ADK: variants seen among roughly 807,000 people sequenced by gnomAD.
The protein encoded by ADK is adenosine kinase, also known as N6,N6-dimethyladenosine kinase.
In ADK, 24 loss-of-function variants were observed where a neutral mutation model predicts 44.7. The observed-to-expected ratio is 0.54, with a 90% CI of 0.39 to 0.76. The LOEUF (loss-of-function observed/expected upper bound fraction) is 0.76, where lower values mean the gene tolerates loss of function less well. Among genes scored for constraint, ADK ranks in the 30% least tolerant of loss-of-function variants. The pLI, the probability that ADK is intolerant of heterozygous loss-of-function variation, is 0.00. For missense variants in ADK, 321 were observed against 425.1 expected (o/e 0.76, Z 2.15); for synonymous variants, 128 against 142.6 (o/e 0.90, Z 0.73).
chr10:74,404,798 A>G (rs1843851890), intron 6 of ADK, among the ~76,000 whole-genome samples: 3 of 152,166 alleles, frequency 2.0e-5, no homozygotes, highest in African/African-American at 7.2e-5. Context: ...AGATTAGCCT[A>G]GGCAACATAG....
At chr10:74,362,760 C>T (rs1286585904) in intron 4 of ADK, among the ~76,000 whole-genome samples, 1 of 152,208 alleles carries the variant, frequency 6.6e-6, no homozygotes, top group Non-Finnish European at 1.5e-5. Flanking sequence ...TGACCAATTA[C>T]AGCCATCTCA....
intron 10 of ADK, among the ~76,000 whole-genome samples, chr10:74,699,148 CTTTTTT>C (rs58818883): frequency 1.6e-5 from 2 of 123,938 alleles, no homozygotes; most frequent in Non-Finnish European, 3.3e-5. Flanking sequence ...CCAACCTAGC[CTTTTTT>C]TTTTTTTTTT....
chr10:74,291,307 C>T (rs1451774893), intron 3 of ADK, among the ~76,000 whole-genome samples: 2 of 152,044 alleles, frequency 1.3e-5, no homozygotes, highest in African/African-American at 2.4e-5. Context: ...GTCCCAGCTA[C>T]TCGGGAGGCT....
At chr10:74,694,146 C>CTTTTTTTTTTTTTTTTTTT (rs1266786094) in intron 10 of ADK, among the ~76,000 whole-genome samples, 6 of 36,302 alleles carry the variant, frequency 1.7e-4, no homozygotes, top group Non-Finnish European at 2.5e-4. Context: ...TTTTCAAACA[C>CTTTTTTTTTTTTTTTTTTT]ATTTTTTTTT....
At chr10:74,250,771 A>C (rs904328823) in intron 3 of ADK, among the ~76,000 whole-genome samples, 1 of 151,930 alleles carries the variant, frequency 6.6e-6, no homozygotes, top group African/African-American at 2.4e-5. Context: ...TCAAATTCAG[A>C]GGTATTTTTG....
chr10:74,394,373 T>G (rs1843439148), intron 5 of ADK, 60 bp downstream of exon 5: 1 of 1,497,250 alleles, frequency 6.7e-7, no homozygotes, highest in South Asian at 1.1e-5. Flanking sequence ...TGGTAAAATA[T>G]GAATTCCAAT....
rs10693309 is a variant in ADK, at chr10:74,177,945, A to ATATATTTTT, written c.66-22818_66-22817insATATTTTTT. Among the ~76,000 whole-genome samples the ATATATTTTT allele has an allele frequency of 7.1e-4, 77 of 108,952 alleles. 1 individual carries two copies. The highest frequency in any genetic ancestry group is 5.2e-3 in the Middle Eastern group (1 of 194). 71.5% of individuals were successfully genotyped at this position (108,952 alleles called of 152,430 possible). On this transcript the variant is annotated intron_variant, in intron 1 of 10. Transcript: ENST00000539909. Reference sequence around the variant, plus strand: ...TAATTATATATATATATATATATATATTTTTTTTTTTTTGAGACAGAGTTT... The same window carrying ATATATTTTT: ...TAATTATATATATATATATATATATATATATTTTTTTTTTTTTTTTTTGAGACAGAGTTT...
intron 9 of ADK, among the ~76,000 whole-genome samples, chr10:74,668,422 A>G (rs1328630290): frequency 1.3e-5 from 2 of 152,154 alleles, no homozygotes; most frequent in Non-Finnish European, 2.9e-5. Flanking sequence ...CCCTCATGTT[A>G]CAAAATGTGG....
At chr10:74,639,705 A>G (rs928917108) in intron 9 of ADK, among the ~76,000 whole-genome samples, 69 of 152,214 alleles carry the variant, frequency 4.5e-4, no homozygotes, top group African/African-American at 1.6e-3. Context: ...GCGTGGTGGC[A>G]TGTACCTGTA....
chr10:74,550,936 C>T (rs536364669), intron 7 of ADK, among the ~76,000 whole-genome samples: 1 of 152,286 alleles, frequency 6.6e-6, no homozygotes, highest in African/African-American at 2.4e-5. Context: ...CTCCTGCGTT[C>T]AAGCAATCCT....
In ADK at chr10:74,303,585, G is replaced by GTTTTTTTTTTTTTTTTTTTTTTTTTTTT. The variant is rs1282565148; in HGVS notation, c.195-11080_195-11079insTTTTTTTTTTTTTTTTTTTTTTTTTTTT. On this transcript the variant is annotated intron_variant, in intron 3 of 10. Coordinates refer to ENST00000539909, the MANE Select transcript of ADK (RefSeq NM_006721.4). ...AAACACTTTTCATATTGGTTTTAAT[G>GTTTTTTTTTTTTTTTTTTTTTTTTTTTT]TTGTTTTTTTTTTTTTTTTTTTTTT... Among the ~76,000 whole-genome samples, 156 of 64,644 alleles carry GTTTTTTTTTTTTTTTTTTTTTTTTTTTT rather than the reference G, an allele frequency of 2.4e-3. 48 individuals are homozygous for GTTTTTTTTTTTTTTTTTTTTTTTTTTTT. Among genetic ancestry groups the GTTTTTTTTTTTTTTTTTTTTTTTTTTTT allele is most frequent in the South Asian group, 8.4e-3 (17 of 2,024 alleles). The allele number at this position is 64,644 out of a possible 152,430, so 42.4% of individuals were successfully genotyped here.
intron 6 of ADK, among the ~76,000 whole-genome samples, chr10:74,513,378 T>C (rs1379353820): frequency 6.6e-6 from 1 of 152,162 alleles, no homozygotes; most frequent in Non-Finnish European, 1.5e-5. Context: ...TATTTCACTT[T>C]AGATCTAATA....
chr10:74,320,970 G>A (rs1443204327), intron 4 of ADK, among the ~76,000 whole-genome samples: 1 of 151,970 alleles, frequency 6.6e-6, no homozygotes, highest in East Asian at 1.9e-4. Flanking sequence ...GTTTTCCTTG[G>A]TGCCTAGATA....
chr10:74,201,465 G>A (rs567440699), intron 2 of ADK, among the ~76,000 whole-genome samples: 16 of 152,142 alleles, frequency 1.1e-4, no homozygotes, highest in African/African-American at 3.9e-4. Flanking sequence ...TTTTGAGAGA[G>A]AGACATGCAC....
intron 10 of ADK, among the ~76,000 whole-genome samples, chr10:74,694,839 T>G (rs1856117183): frequency 6.6e-6 from 1 of 152,196 alleles, no homozygotes; most frequent in Admixed American, 6.5e-5. Context: ...GCTTTTTGTG[T>G]GTCTTATTTA....
At chr10:74,298,685 C>G (rs1448223534) in intron 3 of ADK, among the ~76,000 whole-genome samples, 2 of 152,070 alleles carry the variant, frequency 1.3e-5, no homozygotes, top group African/African-American at 4.8e-5. Context: ...GTGGGAGAAT[C>G]CACTTGAGCC....
At chr10:74,206,454 C>T (rs1843600600) in intron 2 of ADK, among the ~76,000 whole-genome samples, 1 of 152,186 alleles carries the variant, frequency 6.6e-6, no homozygotes, top group African/African-American at 2.4e-5. Context: ...GTTTCAGTAG[C>T]TACTGGATAA....
At chr10:74,588,248 T>C (rs923680380) in intron 7 of ADK, among the ~76,000 whole-genome samples, 6 of 152,192 alleles carry the variant, frequency 3.9e-5, no homozygotes, top group Non-Finnish European at 5.9e-5. Flanking sequence ...TTAAGGACTT[T>C]TAAAATCAAA....
chr10:74,189,915 G>A (rs191719849), intron 1 of ADK, among the ~76,000 whole-genome samples: 20 of 151,844 alleles, frequency 1.3e-4, no homozygotes, highest in Non-Finnish European at 2.4e-4. Flanking sequence ...ATGTTGTAGC[G>A]TGTATCAGTA....
Sources: allele counts gnomAD v4.1 joint callset (sites outside exome capture counted in the v4.1 genomes callset), GRCh38; gene constraint gnomAD v4.1.1; transcripts MANE v1.5; gene names NCBI Gene and HGNC (gene_info 2026-07-23, HGNC 2026-07-21).